The following RNF150 variants were observed in gnomAD, a reference collection of about 807,000 sequenced individuals.
RNF150 encodes the protein ring finger protein 150.
RNF150 carries 24 observed loss-of-function variants against 39.3 expected under a neutral mutation model. That is an observed-to-expected ratio of 0.61 (90% CI 0.44 to 0.86). The LOEUF is 0.86. Among genes scored for constraint, RNF150 ranks in the 40% least tolerant of loss-of-function variants. The pLI is 0.00. For synonymous variants in RNF150, 255 were observed against 227.3 expected (o/e 1.12, Z -1.10); for missense variants, 502 against 587.8 (o/e 0.85, Z 1.51).
chr4:141,012,344 G>A (rs1735103724), intron 1 of RNF150, among the ~76,000 whole-genome samples: 1 of 152,190 alleles, frequency 6.6e-6, no homozygotes, highest in African/African-American at 2.4e-5. Flanking sequence ...CAATTTCCTT[G>A]TCCCTACATG....
At chr4:141,086,298 A>C (rs1444920734) in intron 1 of RNF150, among the ~76,000 whole-genome samples, 1 of 152,198 alleles carries the variant, frequency 6.6e-6, no homozygotes, top group Non-Finnish European at 1.5e-5. Context: ...ATAGATTTCT[A>C]AAAGTTTCAT....
chr4:141,198,830 A>G (rs1043840631), intron 1 of RNF150, among the ~76,000 whole-genome samples: 2 of 152,258 alleles, frequency 1.3e-5, no homozygotes, highest in African/African-American at 4.8e-5. Flanking sequence ...GTAGCTAAAC[A>G]AAAGTAGGCT....
chr4:141,178,444 C>A (rs1368731014), intron 1 of RNF150, among the ~76,000 whole-genome samples: 1 of 152,116 alleles, frequency 6.6e-6, no homozygotes, highest in Non-Finnish European at 1.5e-5. Flanking sequence ...GCTTCCGATT[C>A]AAAGAAGTTG....
At chr4:141,170,847 G>A (rs1254039772) in intron 1 of RNF150, among the ~76,000 whole-genome samples, 1 of 152,178 alleles carries the variant, frequency 6.6e-6, no homozygotes, top group Non-Finnish European at 1.5e-5. Flanking sequence ...TAAGTGTGGT[G>A]TCAAAAGGAC....
At chr4:141,162,024 G>A (rs1466684055) in intron 1 of RNF150, among the ~76,000 whole-genome samples, 1 of 152,226 alleles carries the variant, frequency 6.6e-6, no homozygotes, top group East Asian at 1.9e-4. Flanking sequence ...GCATTGCCTA[G>A]TGGAGCTTTA....
At chr4:141,155,926 G>T (rs1435861894) in intron 1 of RNF150, among the ~76,000 whole-genome samples, 1 of 108,828 alleles carries the variant, frequency 9.2e-6, no homozygotes, top group Non-Finnish European at 1.9e-5. Flanking sequence ...GGAAAGAAAA[G>T]TCTGGTGGTT....
At chr4:141,032,585 T>C (rs1423227325) in intron 1 of RNF150, among the ~76,000 whole-genome samples, 1 of 152,112 alleles carries the variant, frequency 6.6e-6, no homozygotes, top group African/African-American at 2.4e-5. Flanking sequence ...ATTTATTTGT[T>C]CATTATATCT....
chr4:141,078,808 A>AG (rs1738023888), intron 1 of RNF150, among the ~76,000 whole-genome samples: 1 of 79,742 alleles, frequency 1.3e-5, no homozygotes, highest in Non-Finnish European at 2.4e-5. Context: ...AAAAAAAAAA[A>AG]ATATATATAT....
intron 1 of RNF150, among the ~76,000 whole-genome samples, chr4:141,019,566 C>G (rs1210192346): frequency 6.6e-6 from 1 of 152,098 alleles, no homozygotes. Context: ...TTCGTTATTA[C>G]CATCACCTCT....
At chr4:141,099,150 C>T (rs1738912760) in intron 1 of RNF150, among the ~76,000 whole-genome samples, 4 of 151,934 alleles carry the variant, frequency 2.6e-5, no homozygotes, top group Admixed American at 2.6e-4. Flanking sequence ...GATAACACTT[C>T]TCATTATTGC....
intron 1 of RNF150, among the ~76,000 whole-genome samples, chr4:141,068,305 T>C (rs1357839584): frequency 6.6e-6 from 1 of 152,206 alleles, no homozygotes; most frequent in Non-Finnish European, 1.5e-5. Context: ...ATAGCAAGTT[T>C]TAGCACTGAT....
intron 1 of RNF150, among the ~76,000 whole-genome samples, chr4:141,107,634 T>C (rs1187338539): frequency 1.3e-5 from 2 of 152,216 alleles, no homozygotes; most frequent in African/African-American, 2.4e-5. Flanking sequence ...AGATGATACA[T>C]GCAAGTTGTC....
intron 1 of RNF150, among the ~76,000 whole-genome samples, chr4:141,126,261 A>T (rs1177061139): frequency 6.6e-6 from 1 of 152,184 alleles, no homozygotes; most frequent in South Asian, 2.1e-4. Context: ...TCTAAGTGAT[A>T]GAGAATCACA....
At chr4:140,992,634 T>C (rs927398829) in intron 1 of RNF150, among the ~76,000 whole-genome samples, 4 of 152,114 alleles carry the variant, frequency 2.6e-5, no homozygotes, top group Admixed American at 2.0e-4. Flanking sequence ...GAAGCTTTCC[T>C]GGATATGACA....
intron 6 of RNF150, among the ~76,000 whole-genome samples, chr4:140,890,616 CACAG>C (rs1359682290): frequency 1.3e-5 from 2 of 152,126 alleles, no homozygotes; most frequent in African/African-American, 4.8e-5. Context: ...CCACTGAGGA[CACAG>C]AGAGACAGCA....
At chr4:140,941,153 A>G (rs1249162696) in intron 4 of RNF150, among the ~76,000 whole-genome samples, 1 of 152,222 alleles carries the variant, frequency 6.6e-6, no homozygotes, top group African/African-American at 2.4e-5. Flanking sequence ...GTAGGCCACA[A>G]ATTTGGCTCT....
At chr4:141,091,545 C>T (rs1040942774) in intron 1 of RNF150, among the ~76,000 whole-genome samples, 5 of 152,148 alleles carry the variant, frequency 3.3e-5, no homozygotes, top group Non-Finnish European at 5.9e-5. Context: ...GTTAAGTAGA[C>T]TCCACTGTTT....
intron 1 of RNF150, chr4:141,053,649 T>C (rs1736860834): frequency 2.3e-6 from 3 of 1,283,682 alleles, no homozygotes; most frequent in Non-Finnish European, 2.0e-6. Flanking sequence ...GCGTGCATTT[T>C]AGAGGCTAAA....
Position 140,899,972 on chromosome 4 carries a change from CTCTGTGTGTGTGTGTG to C in RNF150, c.1198+11156_1198+11171del, listed in dbSNP as rs745469486. Among the ~76,000 whole-genome samples, 599 of 69,850 alleles carry C rather than the reference CTCTGTGTGTGTGTGTG, an allele frequency of 8.6e-3. 4 individuals carry two copies. The highest frequency in any genetic ancestry group is 0.047 in the South Asian group (105 of 2,246). The allele number at this position is 69,850 out of a possible 152,430, so 45.8% of individuals were successfully genotyped here. ...TCTCTCTCTCTCTCTCTCTCTCTCT[CTCTGTGTGTGTGTGTG>C]TGTGTGTGTGTGTGTGTCCCATTTG... On this transcript the variant is annotated intron_variant, in intron 6 of 6. Coordinates refer to ENST00000515673, the MANE Select transcript of RNF150 (RefSeq NM_020724.2).
Sources: gnomAD v4.1 joint callset for allele counts (sites outside exome capture counted in the v4.1 genomes callset) on GRCh38, gnomAD v4.1.1 for gene constraint, MANE v1.5 for transcripts, NCBI Gene and HGNC (gene_info 2026-07-23, HGNC 2026-07-21) for gene names.